Variants in MAPRE2 observed in about 807,000 individuals in gnomAD.
MAPRE2 encodes microtubule associated protein RP/EB family member 2.
Under a neutral mutation model 43.2 loss-of-function variants are expected in MAPRE2, and 13 were observed. The ratio of observed to expected loss-of-function variants is 0.30; its 90% CI spans 0.20 to 0.48. The LOEUF (loss-of-function observed/expected upper bound fraction) is 0.48. Ranked by LOEUF, MAPRE2 falls within the 20% of genes least tolerant of loss-of-function variation. The pLI is 0.99. For synonymous variants in MAPRE2, 135 were observed against 148.8 expected, an observed-to-expected ratio of 0.91 and a Z score of 0.68; for missense variants, 161 against 400.2, an observed-to-expected ratio of 0.40 and a Z score of 5.10.
Position 35,142,691 on chromosome 18 carries a change from G to A in MAPRE2, c.*2322G>A, listed in dbSNP as rs1333341957. ...TCCCATCTTAAACGTCTTCTGTTGT[G>A]CTGCACCCCAGATGGTGTCTCAGAT... On this transcript the variant is annotated 3_prime_UTR_variant, in exon 7 of 7. Coordinates refer to ENST00000300249, the MANE Select transcript of MAPRE2 (RefSeq NM_014268.4). 6.6e-6 allele frequency: 1 copy of A among 152,258 alleles called. No individual in the cohort carries two copies. The highest frequency in any genetic ancestry group is 2.4e-5 in the African/African-American group (1 of 41,446). The allele number at this position is 152,258 out of a possible 1,614,324, so 9.4% of individuals were successfully genotyped here. A position where few individuals can be genotyped will look rare whatever the true frequency, so the allele number is the denominator to read the frequency against.
At chr18:35,097,367 T>A in intron 2 of MAPRE2, 79 bp from the exon 3 acceptor site, 1 of 1,341,634 alleles carries the variant, frequency 7.5e-7, no homozygotes, top group South Asian at 1.3e-5. Context: ...GTAAGGACAA[T>A]CCCCTTCCAG....
chr18:35,015,516 G>A (rs138995477), intron 2 of MAPRE2, among the ~76,000 whole-genome samples: 2 of 152,112 alleles, frequency 1.3e-5, no homozygotes, highest in Non-Finnish European at 2.9e-5. Context: ...GCCAAGATTA[G>A]GACCCAAGCG....
chr18:35,102,142 C>G lies in MAPRE2; in HGVS notation c.593C>G (p.Ala198Gly), dbSNP rs928697491. 6.3e-7 allele frequency: 1 copy of G among 1,599,888 alleles called. No individual in the cohort carries two copies. The highest frequency in any genetic ancestry group is 1.3e-5 in the African/African-American group (1 of 74,298). ...IFNLPKKSHH[A>G]NSPTAGAAKS... Reference sequence around the variant, plus strand: ...AACCTGCCAAAAAAGTCTCACCATGCAAACTCCCCCACAGCAGGTATTGTC... The same window carrying G: ...AACCTGCCAAAAAAGTCTCACCATGGAAACTCCCCCACAGCAGGTATTGTC... The change falls in exon 4 of 7, where the codon GCA becomes GGA. Residue 198 changes from alanine to glycine, a missense_variant. Ala to Gly is a moderately conservative substitution (Grantham distance 60, BLOSUM62 0). Transcript: ENST00000300249.
At chr18:35,015,354 C>A (rs573747212) in intron 2 of MAPRE2, among the ~76,000 whole-genome samples, 158 of 152,210 alleles carry the variant, frequency 1.0e-3, no homozygotes, top group African/African-American at 3.2e-3. Context: ...GGAGAATAAA[C>A]TTTATTTGAT....
chr18:35,046,459 A>G (rs1905626632), intron 1 of MAPRE2, among the ~76,000 whole-genome samples: 1 of 152,228 alleles, frequency 6.6e-6, no homozygotes, highest in Non-Finnish European at 1.5e-5. Context: ...ATTTTGCTGA[A>G]AAGAATGTAG....
chr18:35,064,000 TAAAAAAAAAAAAAAAAAAA>T (rs575347953), intron 1 of MAPRE2, among the ~76,000 whole-genome samples: 4 of 33,952 alleles, frequency 1.2e-4, no homozygotes, highest in Admixed American at 5.1e-4. Context: ...CCTGTCTCTT[TAAAAAAAAAAAAAAAAAAA>T]AAAAAAAAAA....
intron 2 of MAPRE2, among the ~76,000 whole-genome samples, chr18:35,024,089 G>A (rs2097043636): frequency 6.6e-6 from 1 of 152,088 alleles, no homozygotes; most frequent in Admixed American, 6.6e-5. Context: ...TATAAACAAA[G>A]CGTTGATGCT....
In MAPRE2 at chr18:35,143,288, TTATAAA is replaced by T. The variant is rs922876389; in HGVS notation, c.*2924_*2929del. 2.0e-5 allele frequency: 3 copies of T among 152,238 alleles called. No individual in the cohort carries two copies. The highest frequency in any genetic ancestry group is 1.9e-4 in the East Asian group (1 of 5,176). 9.4% of individuals were successfully genotyped at this position (152,238 alleles called of 1,614,324 possible). On this transcript the variant is annotated 3_prime_UTR_variant, in exon 7 of 7. Transcript: ENST00000300249. Reference sequence around the variant, plus strand: ...GGAATGTAAACATATGTATTGTTAATTATAAATATAGATAAGTAATGACATAATAGA... The same window carrying T: ...GGAATGTAAACATATGTATTGTTAATTATAGATAAGTAATGACATAATAGA...
chr18:35,037,908 G>C (rs577539593), upstream of MAPRE2, among the ~76,000 whole-genome samples: 25 of 152,298 alleles, frequency 1.6e-4, no homozygotes, highest in African/African-American at 5.8e-4. Flanking sequence ...GCACAACAGG[G>C]TTGGGAGAGT....
At chr18:35,038,454 A>T (rs1433491860), upstream of MAPRE2, among the ~76,000 whole-genome samples, 1 of 152,216 alleles carries the variant, frequency 6.6e-6, no homozygotes, top group Non-Finnish European at 1.5e-5. Context: ...TTCCTAGAGT[A>T]TCAAATGGGA....
At chr18:34,992,289 G>T (rs1008262060) in intron 1 of MAPRE2, among the ~76,000 whole-genome samples, 1 of 152,216 alleles carries the variant, frequency 6.6e-6, no homozygotes, top group Non-Finnish European at 1.5e-5. Flanking sequence ...GTAAGACAAA[G>T]AATGGTTGTC....
At chr18:35,088,943 A>C (rs1358476084) in intron 2 of MAPRE2, among the ~76,000 whole-genome samples, 1 of 152,250 alleles carries the variant, frequency 6.6e-6, no homozygotes, top group African/African-American at 2.4e-5. Context: ...CAATGAAAAC[A>C]GAGACCATTT....
intron 4 of MAPRE2, among the ~76,000 whole-genome samples, chr18:35,125,246 C>CTGTTTGCT (rs1275539605): frequency 6.6e-6 from 1 of 152,202 alleles, no homozygotes; most frequent in Non-Finnish European, 1.5e-5. Flanking sequence ...TATGGTCTTT[C>CTGTTTGCT]TGTTTGCTAC....
At chr18:35,074,809 G>T (rs551683030) in intron 2 of MAPRE2, among the ~76,000 whole-genome samples, 22 of 152,016 alleles carry the variant, frequency 1.4e-4, no homozygotes, top group Non-Finnish European at 2.8e-4. Context: ...TGGGGCAAAT[G>T]TTAAATACAG....
At chr18:35,123,521 TA>T (rs1909779182) in intron 4 of MAPRE2, among the ~76,000 whole-genome samples, 1 of 152,204 alleles carries the variant, frequency 6.6e-6, no homozygotes, top group South Asian at 2.1e-4. Flanking sequence ...CAGCCCAGCA[TA>T]GACCACTCAG....
chr18:35,077,111 A>G (rs1907396354), intron 2 of MAPRE2, among the ~76,000 whole-genome samples: 1 of 152,246 alleles, frequency 6.6e-6, no homozygotes, highest in Non-Finnish European at 1.5e-5. Flanking sequence ...GGAACATGTG[A>G]TCACAGTTAA....
intron 1 of MAPRE2, among the ~76,000 whole-genome samples, chr18:34,999,789 G>T (rs1339813636): frequency 6.6e-6 from 1 of 152,048 alleles, no homozygotes; most frequent in Non-Finnish European, 1.5e-5. Context: ...TGCCAGATAC[G>T]CTCATTTGGT....
chr18:35,101,823 A>G (rs556662163), intron 3 of MAPRE2, 123 bp from the exon 4 acceptor site: 5 of 693,080 alleles, frequency 7.2e-6, no homozygotes, highest in South Asian at 3.9e-5. Context: ...AATCTTAGCT[A>G]TTATAAACAG....
intron 2 of MAPRE2, among the ~76,000 whole-genome samples, chr18:35,087,829 T>C (rs1907947432): frequency 6.6e-6 from 1 of 152,210 alleles, no homozygotes; most frequent in Non-Finnish European, 1.5e-5. Flanking sequence ...AACTGGGTAA[T>C]TTATAATGAA....
Sources: gnomAD v4.1 joint callset for allele counts (sites outside exome capture counted in the v4.1 genomes callset) on GRCh38, gnomAD v4.1.1 for gene constraint, MANE v1.5 for transcripts, NCBI Gene and HGNC (gene_info 2026-07-23, HGNC 2026-07-21) for gene names.